Variants in LARGE1 observed in about 807,000 individuals in gnomAD.
The protein encoded by LARGE1 is xylosyl- and glucuronyltransferase LARGE1.
LARGE1 carries 43 observed loss-of-function variants against 87.6 expected under a neutral mutation model. That is an observed-to-expected ratio of 0.49 (90% CI 0.38 to 0.63). LARGE1 has a LOEUF of 0.63. Ranked by LOEUF, LARGE1 falls within the 30% of genes least tolerant of loss-of-function variation. The pLI, the probability that LARGE1 is intolerant of heterozygous loss-of-function variation, is 0.00. For missense variants in LARGE1, 802 were observed against 1,000.2 expected (o/e 0.80, Z 2.67); for synonymous variants, 434 against 394.6 (o/e 1.10, Z -1.18).
chr22:33,367,644 C>G (rs138739988), intron 9 of LARGE1, among the ~76,000 whole-genome samples: 2 of 152,216 alleles, frequency 1.3e-5, no homozygotes, highest in Non-Finnish European at 2.9e-5. Context: ...TGAGGCTGGT[C>G]TTAAACTCCT....
At chr22:33,803,991 T>C (rs2086238511) in intron 1 of LARGE1, among the ~76,000 whole-genome samples, 1 of 152,214 alleles carries the variant, frequency 6.6e-6, no homozygotes, top group Admixed American at 6.5e-5. Context: ...AGCAGGCCTG[T>C]TGAAGGATGG....
In LARGE1 at chr22:33,192,363, T is replaced by A. The variant is rs548903679; in HGVS notation, c.1731-25531A>T. The stretch of plus-strand genomic sequence containing the variant: ...AAAAGAACTTTCTTCATAATCACCA[T>A]CCCAGGTGTGAGGTGGCATCTCACT... On this transcript the variant is annotated intron_variant, in intron 11 of 11. Transcript: ENST00000608642. Among the ~76,000 whole-genome samples, 8 of 152,320 alleles carry A rather than the reference T, an allele frequency of 5.3e-5. No homozygotes were observed. The South Asian group carries it at 1.2e-3, about 24-fold the overall frequency.
intron 1 of LARGE1, among the ~76,000 whole-genome samples, chr22:33,890,341 T>C (rs764734012): frequency 1.3e-5 from 2 of 152,136 alleles, no homozygotes; most frequent in African/African-American, 4.8e-5. Flanking sequence ...ATGAATTCAT[T>C]CATATAGAGG....
At chr22:33,260,418 AGGCATGGGCTTTGG>A (rs1188683405) in intron 11 of LARGE1, among the ~76,000 whole-genome samples, 2 of 152,266 alleles carry the variant, frequency 1.3e-5, no homozygotes, top group Non-Finnish European at 2.9e-5. Flanking sequence ...GCTAGCTGGA[AGGCATGGGCTTTGG>A]GGTCTGGCTG....
intron 5 of LARGE1, among the ~76,000 whole-genome samples, chr22:33,586,665 GC>G (rs1175205207): frequency 1.3e-5 from 2 of 152,012 alleles, no homozygotes; most frequent in Non-Finnish European, 2.9e-5. Context: ...CACCATGTTA[GC>G]CAGGATGGTC....
At chr22:33,305,691 T>C (rs1934781884) in intron 11 of LARGE1, 5 of 676,056 alleles carry the variant, frequency 7.4e-6, no homozygotes, top group African/African-American at 3.9e-5. Flanking sequence ...TCCAGAGTTT[T>C]CTCTCAGTAA....
chr22:33,273,172 A>T lies in LARGE1; in HGVS notation c.*1255T>A, dbSNP rs1928484030. On this transcript the variant is annotated 3_prime_UTR_variant, in exon 15 of 15. Transcript: ENST00000397394. ...ACAGCCCAGCAGAGGGTAGGGCATT[A>T]ACTCTTGTTCTCATCAATGTAAACA... The T allele has an allele frequency of 2.7e-6, 1 of 375,530 alleles. No homozygotes were observed. Among genetic ancestry groups the T allele is most frequent in the East Asian group, 3.9e-5 (1 of 25,826 alleles). The allele number at this position is 375,530 out of a possible 1,614,324, so 23.3% of individuals were successfully genotyped here. A position where few individuals can be genotyped will look rare whatever the true frequency, so the allele number is the denominator to read the frequency against.
At chr22:33,851,799 T>C (rs2063590442) in intron 1 of LARGE1, among the ~76,000 whole-genome samples, 5 of 152,356 alleles carry the variant, frequency 3.3e-5, no homozygotes, top group South Asian at 2.1e-4. Context: ...AGAAATTTTA[T>C]GATGACGTAG....
intron 1 of LARGE1, among the ~76,000 whole-genome samples, chr22:33,910,066 A>G (rs2065583498): frequency 6.6e-6 from 1 of 152,150 alleles, no homozygotes; most frequent in East Asian, 1.9e-4. Context: ...CAGCCACCAC[A>G]GTGCACACAT....
intron 12 of LARGE1, among the ~76,000 whole-genome samples, chr22:33,302,300 G>T (rs543954225): frequency 2.0e-4 from 31 of 152,300 alleles, no homozygotes; most frequent in African/African-American, 7.2e-4. Context: ...AGCCTGGTGG[G>T]TCAGGGGTTG....
intron 6 of LARGE1, among the ~76,000 whole-genome samples, chr22:33,435,902 A>G (rs1449237093): frequency 6.6e-6 from 1 of 152,228 alleles, no homozygotes; most frequent in Non-Finnish European, 1.5e-5. Context: ...AAAACAGAAT[A>G]ATCAGCAGCT....
At chr22:33,325,208 T>C (rs1431555900) in intron 10 of LARGE1, among the ~76,000 whole-genome samples, 1 of 152,210 alleles carries the variant, frequency 6.6e-6, no homozygotes, top group Non-Finnish European at 1.5e-5. Context: ...ACTCAACACA[T>C]GTATTTCACA....
At chr22:33,255,921 A>G (rs1927238387) in intron 11 of LARGE1, among the ~76,000 whole-genome samples, 1 of 152,126 alleles carries the variant, frequency 6.6e-6, no homozygotes, top group South Asian at 2.1e-4. Context: ...TTCCCGTTTG[A>G]CAGCTGCATT....
chr22:33,827,402 T>C (rs2146303462), intron 1 of LARGE1, among the ~76,000 whole-genome samples: 1 of 152,026 alleles, frequency 6.6e-6, no homozygotes, highest in South Asian at 2.1e-4. Flanking sequence ...GAAGGTCCTA[T>C]TACCCTCCTC....
intron 5 of LARGE1, among the ~76,000 whole-genome samples, chr22:33,591,864 T>TA (rs1260063534): frequency 2.1e-4 from 32 of 150,078 alleles, no homozygotes; most frequent in African/African-American, 7.6e-4. Context: ...AAAAATTTTT[T>TA]TTTTTTTTTA....
chr22:33,317,790 C>T (rs1936314131), intron 10 of LARGE1, among the ~76,000 whole-genome samples: 1 of 152,034 alleles, frequency 6.6e-6, no homozygotes, highest in Non-Finnish European at 1.5e-5. Context: ...TCCACAGTGA[C>T]AAAAATTGGA....
intron 6 of LARGE1, among the ~76,000 whole-genome samples, chr22:33,555,551 G>T (rs2077650192): frequency 1.3e-5 from 2 of 152,120 alleles, no homozygotes; most frequent in African/African-American, 4.8e-5. Context: ...GCAAGACAGG[G>T]AATGATCTGG....
At chr22:33,865,636 T>C (rs2064071282) in intron 1 of LARGE1, among the ~76,000 whole-genome samples, 1 of 152,088 alleles carries the variant, frequency 6.6e-6, no homozygotes, top group Admixed American at 6.6e-5. Flanking sequence ...AGGGTGATAG[T>C]TGAAAACTCT....
intron 11 of LARGE1, among the ~76,000 whole-genome samples, chr22:33,254,631 A>G (rs1342350126): frequency 2.0e-5 from 3 of 152,250 alleles, no homozygotes; most frequent in East Asian, 1.9e-4. Context: ...AAGTCACCCA[A>G]CCTCACTGTG....
Sources: allele counts gnomAD v4.1 joint callset (sites outside exome capture counted in the v4.1 genomes callset), GRCh38; gene constraint gnomAD v4.1.1; transcripts MANE v1.5; gene names NCBI Gene and HGNC (gene_info 2026-07-23, HGNC 2026-07-21).